The following DLG2 variants were observed in gnomAD, a reference collection of about 807,000 sequenced individuals.
The protein encoded by DLG2 is discs large MAGUK scaffold protein 2.
A neutral mutation model predicts 132.5 loss-of-function variants in DLG2; 45 were observed. That is an observed-to-expected ratio of 0.34 (90% CI 0.27 to 0.44). The LOEUF (loss-of-function observed/expected upper bound fraction) is 0.44. Among genes scored for constraint, DLG2 ranks in the 20% least tolerant of loss-of-function variants. The pLI is 1.00. For missense variants in DLG2, 1,045 were observed against 1,196.9 expected (o/e 0.87, Z 1.87); for synonymous variants, 424 against 419.6 (o/e 1.01, Z -0.13).
At chr11:85,122,639 T>C (rs1035829339) in intron 5 of DLG2, among the ~76,000 whole-genome samples, 76 of 151,996 alleles carry the variant, frequency 5.0e-4, no homozygotes, top group African/African-American at 1.7e-3. Flanking sequence ...ATCGATCTTA[T>C]GAAAACGCAG....
chr11:84,662,941 C>T (rs1215988942), intron 6 of DLG2, among the ~76,000 whole-genome samples: 3 of 152,016 alleles, frequency 2.0e-5, no homozygotes, highest in Non-Finnish European at 4.4e-5. Context: ...AGCCAGCCTA[C>T]TCAGTTATAA....
chr11:84,849,736 T>C (rs1235653787), intron 6 of DLG2, among the ~76,000 whole-genome samples: 1 of 152,118 alleles, frequency 6.6e-6, no homozygotes, highest in Non-Finnish European at 1.5e-5. Flanking sequence ...TTTATAGCAC[T>C]TACAACGACA....
chr11:84,632,852 G>A (rs1256902922), intron 6 of DLG2, among the ~76,000 whole-genome samples: 3 of 152,110 alleles, frequency 2.0e-5, no homozygotes, highest in Non-Finnish European at 2.9e-5. Context: ...ACATCCTTTA[G>A]TTTTACTGCA....
chr11:85,112,066 A>G (rs2072850364), intron 5 of DLG2, among the ~76,000 whole-genome samples: 1 of 152,030 alleles, frequency 6.6e-6, no homozygotes, highest in Non-Finnish European at 1.5e-5. Context: ...CTCCTAATCA[A>G]CCCTGAAACA....
intron 6 of DLG2, among the ~76,000 whole-genome samples, chr11:84,638,968 G>A (rs1054487811): frequency 6.6e-6 from 1 of 152,178 alleles, no homozygotes; most frequent in African/African-American, 2.4e-5. Flanking sequence ...GCACTTCTGG[G>A]ATACCCAATC....
intron 18 of DLG2, among the ~76,000 whole-genome samples, chr11:83,717,149 C>A (rs564946069): frequency 6.6e-6 from 1 of 152,280 alleles, no homozygotes; most frequent in East Asian, 1.9e-4. Flanking sequence ...ATACCTCTCA[C>A]TAACTAGGAA....
At chr11:84,033,754 C>A (rs1445447356) in intron 11 of DLG2, among the ~76,000 whole-genome samples, 1 of 152,058 alleles carries the variant, frequency 6.6e-6, no homozygotes, top group Non-Finnish European at 1.5e-5. Context: ...TTTGCCACAG[C>A]CGGGCCGGGC....
At chr11:85,325,284 C>T (rs1355274370) in intron 3 of DLG2, among the ~76,000 whole-genome samples, 1 of 152,228 alleles carries the variant, frequency 6.6e-6, no homozygotes, top group Non-Finnish European at 1.5e-5. Context: ...CTCAAGGAGG[C>T]CTGTCTGCCT....
At chr11:84,726,798 T>C (rs918488184) in intron 6 of DLG2, among the ~76,000 whole-genome samples, 5 of 152,206 alleles carry the variant, frequency 3.3e-5, no homozygotes, top group East Asian at 3.9e-4. Flanking sequence ...TTTTTAATGA[T>C]TGCCATTCTG....
intron 6 of DLG2, among the ~76,000 whole-genome samples, chr11:84,638,630 C>T: frequency 6.6e-6 from 1 of 152,104 alleles, no homozygotes; most frequent in East Asian, 1.9e-4. Context: ...CTCAACTAGC[C>T]ATACTTTTTG....
At chr11:84,742,676 C>A (rs2064840823) in intron 6 of DLG2, among the ~76,000 whole-genome samples, 1 of 152,140 alleles carries the variant, frequency 6.6e-6, no homozygotes, top group South Asian at 2.1e-4. Context: ...CCATAGTTTA[C>A]CTTAGGGTTC....
intron 18 of DLG2, among the ~76,000 whole-genome samples, chr11:83,767,712 A>G (rs1220452244): frequency 6.6e-6 from 1 of 152,212 alleles, no homozygotes; most frequent in Non-Finnish European, 1.5e-5. Flanking sequence ...TGGAATACAT[A>G]GAACCCTATC....
At chr11:84,099,734 G>GGT (rs2092250809) in intron 9 of DLG2, among the ~76,000 whole-genome samples, 1 of 145,084 alleles carries the variant, frequency 6.9e-6, no homozygotes, top group Admixed American at 7.0e-5. Context: ...ATATCCTGTG[G>GGT]GTGTGTATAT....
At chr11:84,820,002 A>G (rs1241019102) in intron 6 of DLG2, among the ~76,000 whole-genome samples, 1 of 150,978 alleles carries the variant, frequency 6.6e-6, no homozygotes, top group East Asian at 2.0e-4. Context: ...TCTACTTTTC[A>G]GAACCAGGGT....
At chr11:85,396,407 A>C (rs1479852075) in intron 3 of DLG2, among the ~76,000 whole-genome samples, 1 of 152,180 alleles carries the variant, frequency 6.6e-6, no homozygotes, top group Non-Finnish European at 1.5e-5. Context: ...CAAGGGAACA[A>C]AACTGGACAG....
chr11:83,549,203 G>C (rs760280437), intron 19 of DLG2, among the ~76,000 whole-genome samples: 1 of 152,102 alleles, frequency 6.6e-6, no homozygotes, highest in Non-Finnish European at 1.5e-5. Context: ...TCTGCTCTCT[G>C]CTCCATCCCA....
intron 9 of DLG2, among the ~76,000 whole-genome samples, chr11:84,103,822 A>G (rs1173647116): frequency 6.6e-6 from 1 of 152,166 alleles, no homozygotes; most frequent in Non-Finnish European, 1.5e-5. Flanking sequence ...GGGGTTATAT[A>G]TAATAAAAAA....
chr11:84,367,840 C>G (rs1230796925), intron 7 of DLG2, among the ~76,000 whole-genome samples: 1 of 152,024 alleles, frequency 6.6e-6, no homozygotes, highest in Non-Finnish European at 1.5e-5. Context: ...ATTATCCAGT[C>G]TCAGATATTC....
At chr11:85,334,653 T>A (rs1479616840) in intron 3 of DLG2, among the ~76,000 whole-genome samples, 1 of 152,142 alleles carries the variant, frequency 6.6e-6, no homozygotes, top group Non-Finnish European at 1.5e-5. Flanking sequence ...TAAAGAATTG[T>A]TTGATTTCTG....
Sources: allele counts gnomAD v4.1 joint callset (sites outside exome capture counted in the v4.1 genomes callset), GRCh38; gene constraint gnomAD v4.1.1; transcripts MANE v1.5; gene names NCBI Gene and HGNC (gene_info 2026-07-23, HGNC 2026-07-21).